CNTNAP3: variants seen among roughly 807,000 people sequenced by gnomAD.
CNTNAP3 encodes contactin-associated protein-like 3.
In CNTNAP3, 36 loss-of-function variants were observed where a neutral mutation model predicts 92.1. The ratio of observed to expected loss-of-function variants is 0.39; its 90% CI spans 0.30 to 0.52. CNTNAP3 has a LOEUF of 0.52. Ranked by LOEUF, CNTNAP3 falls within the 20% of genes least tolerant of loss-of-function variation. CNTNAP3 has a pLI of 0.76. For synonymous variants in CNTNAP3, 232 were observed against 422.3 expected (o/e 0.55, Z 5.53); for missense variants, 534 against 1,069.6 (o/e 0.50, Z 6.98).
chr9:39,102,733 G>A lies in CNTNAP3; in HGVS notation c.2537-18C>T, dbSNP rs1289503676. 3 of 910,634 alleles carry A rather than the reference G, an allele frequency of 3.3e-6. No homozygotes were observed. Among genetic ancestry groups the A allele is most frequent in the Admixed American group, 4.4e-5 (2 of 45,738 alleles). The allele number at this position is 910,634 out of a possible 1,614,324, so 56.4% of individuals were successfully genotyped here. On this transcript the variant is annotated intron_variant, in intron 16 of 23. Coordinates refer to ENST00000297668, the MANE Select transcript of CNTNAP3 (RefSeq NM_033655.5). The stretch of plus-strand genomic sequence containing the variant: ...TGTGGGAGCTAGAAATATTAGATAT[G>A]AATATTGCTCAAGCAAATTCACAGA...
chr9:39,103,201 T>C (rs953454633), intron 16 of CNTNAP3, among the ~76,000 whole-genome samples: 1 of 152,296 alleles, frequency 6.6e-6, no homozygotes, highest in Admixed American at 6.5e-5. Context: ...TTTAAAGCTC[T>C]GGCTCTGCTG....
intron 17 of CNTNAP3, among the ~76,000 whole-genome samples, chr9:39,102,152 C>T (rs376477570): frequency 4.7e-4 from 71 of 152,308 alleles, no homozygotes; most frequent in African/African-American, 1.5e-3. Flanking sequence ...GTGGCACCTG[C>T]GCCTGTAATC....
chr9:39,112,603 A>G (rs1482020921), intron 14 of CNTNAP3, among the ~76,000 whole-genome samples: 3 of 152,116 alleles, frequency 2.0e-5, no homozygotes, highest in Non-Finnish European at 4.4e-5. Context: ...TGACTTCATG[A>G]TCCGCCCGCC....
Position 39,255,610 on chromosome 9 carries a change from C to T in CNTNAP3, c.196+11286G>A, listed in dbSNP as rs1822838657. On this transcript the variant is annotated intron_variant, in intron 2 of 23. Transcript: ENST00000297668. The stretch of plus-strand genomic sequence containing the variant: ...TACTAATTTTTTAATTATGGTAATA[C>T]ACATCACATGAAATTTACCATTTGA... 3.0e-5 allele frequency among the ~76,000 whole-genome samples: 2 copies of T among 67,734 alleles called. 1 individual carries two copies. Among genetic ancestry groups the T allele is most frequent in the South Asian group, 1.1e-3 (2 of 1,860 alleles). 44.4% of individuals were successfully genotyped at this position (67,734 alleles called of 152,430 possible).
chr9:39,150,984 A>G (rs962627616), intron 9 of CNTNAP3, among the ~76,000 whole-genome samples: 5 of 148,446 alleles, frequency 3.4e-5, no homozygotes, highest in Admixed American at 1.3e-4. Context: ...TCTGAGTTAC[A>G]ATATATAACC....
At chr9:39,133,248 T>G in intron 12 of CNTNAP3, 113 bp from the exon 13 acceptor site, 1 of 1,327,264 alleles carries the variant, frequency 7.5e-7, no homozygotes, top group South Asian at 1.3e-5. Flanking sequence ...TTTACATTAC[T>G]GCATGTTTGC....
intron 13 of CNTNAP3, among the ~76,000 whole-genome samples, chr9:39,131,766 T>C (rs954026268): frequency 2.0e-4 from 31 of 152,012 alleles, no homozygotes; most frequent in Admixed American, 1.2e-3. Context: ...GGGAGGGGGT[T>C]GCAGTGAGCA....
Position 39,278,637 on chromosome 9 carries a change from A to T in CNTNAP3, c.85+9343T>A. Among the ~76,000 whole-genome samples the T allele has an allele frequency of 6.5e-5, 2 of 30,596 alleles. 1 individual carries two copies. Among genetic ancestry groups the T allele is most frequent in the Non-Finnish European group, 2.0e-4 (2 of 10,244 alleles). 20.1% of individuals were successfully genotyped at this position (30,596 alleles called of 152,430 possible). ...GAACAGAACAGAGCCCTCAGAAATAATGCCGCATATCTACAACTATCTGAT... is the reference window on the plus strand; with the variant it reads ...GAACAGAACAGAGCCCTCAGAAATATTGCCGCATATCTACAACTATCTGAT... On this transcript the variant is annotated intron_variant, in intron 1 of 23. Transcript: ENST00000297668.
chr9:39,121,031 A>G (rs540627801), intron 13 of CNTNAP3, among the ~76,000 whole-genome samples: 1 of 152,162 alleles, frequency 6.6e-6, no homozygotes, highest in African/African-American at 2.4e-5. Context: ...GGTAAGTCAC[A>G]TATGTAAACT....
At chr9:39,102,396 T>G (rs1826485070) in intron 17 of CNTNAP3, 101 bp downstream of exon 17, 8 of 1,542,242 alleles carry the variant, frequency 5.2e-6, no homozygotes, top group Non-Finnish European at 7.0e-6. Context: ...AAGCAGTAGT[T>G]GTTGTTGGCA....
At chr9:39,117,864 T>C (rs1758557) in intron 14 of CNTNAP3, 25 of 846,114 alleles carry the variant, frequency 3.0e-5, no homozygotes, top group South Asian at 4.0e-5. Context: ...TTAACAGCTG[T>C]TTCTCTTTTA....
chr9:39,129,476 T>C (rs1253960445), intron 13 of CNTNAP3, among the ~76,000 whole-genome samples: 1 of 152,104 alleles, frequency 6.6e-6, no homozygotes, highest in East Asian at 1.9e-4. Context: ...ATAAAATGTG[T>C]CCCAAAATAG....
chr9:39,068,260 A>G lies in CNTNAP3; in HGVS notation c.*5630T>C, dbSNP rs1825555215. On this transcript the variant is annotated 3_prime_UTR_variant, in exon 24 of 24. Coordinates refer to ENST00000297668, the MANE Select transcript of CNTNAP3 (RefSeq NM_033655.5). Reference sequence around the variant, plus strand: ...TAAAAATACAAAAAAAAAAAAAAAAAAAAAAATTAGCTGGGCATGTTGGCT... The same window carrying G: ...TAAAAATACAAAAAAAAAAAAAAAAGAAAAAATTAGCTGGGCATGTTGGCT... Among the ~76,000 whole-genome samples the G allele has an allele frequency of 8.0e-6, 1 of 125,770 alleles. No homozygotes were observed. Among genetic ancestry groups the G allele is most frequent in the Non-Finnish European group, 1.7e-5 (1 of 58,072 alleles). The allele number at this position is 125,770 out of a possible 152,430, so 82.5% of individuals were successfully genotyped here. A position where few individuals can be genotyped will look rare whatever the true frequency, so the allele number is the denominator to read the frequency against.
chr9:39,107,589 A>G (rs556173032), intron 15 of CNTNAP3, among the ~76,000 whole-genome samples: 35 of 152,344 alleles, frequency 2.3e-4, no homozygotes, highest in African/African-American at 8.2e-4. Context: ...GACCCAAACA[A>G]AATCACAGAG....
intron 23 of CNTNAP3, among the ~76,000 whole-genome samples, chr9:39,074,907 T>C (rs1348034009): frequency 1.3e-5 from 2 of 152,294 alleles, no homozygotes; most frequent in African/African-American, 2.4e-5. Flanking sequence ...TAGCTGGGAC[T>C]ACAGGCACCC....
At chr9:39,084,747 C>A (rs1826029570) in intron 21 of CNTNAP3, among the ~76,000 whole-genome samples, 1 of 152,076 alleles carries the variant, frequency 6.6e-6, no homozygotes, top group Non-Finnish European at 1.5e-5. Context: ...AAATGTATAG[C>A]AGAACCAATC....
chr9:39,114,529 GCTTT>G, intron 14 of CNTNAP3, among the ~76,000 whole-genome samples: 3 of 152,080 alleles, frequency 2.0e-5, no homozygotes, highest in Admixed American at 2.0e-4. Flanking sequence ...AGCTGTATCT[GCTTT>G]CTTTTGATTT....
Position 39,078,779 on chromosome 9 carries a change from C to G in CNTNAP3, c.3584G>C (p.Gly1195Ala). 6.6e-7 allele frequency: 1 copy of G among 1,521,610 alleles called. No homozygotes were observed. Among genetic ancestry groups the G allele is most frequent in the Non-Finnish European group, 8.8e-7 (1 of 1,141,508 alleles). 94.3% of individuals were successfully genotyped at this position (1,521,610 alleles called of 1,614,324 possible). ...GCAGCGGGCCATAGGGGCCACGTGG[C>G]CGCGGACGGTGACCCGGGAGGGGCC... ...PSGPSRVTVR[G>A]HVAPMARCAA... The change falls in exon 22 of 24, where the codon GGC (glycine) becomes GCC (alanine). Residue 1195 changes from glycine to alanine, a missense_variant. Transcript: ENST00000297668.
intron 9 of CNTNAP3, among the ~76,000 whole-genome samples, chr9:39,150,878 A>C (rs1449993494): frequency 7.6e-6 from 1 of 131,000 alleles, no homozygotes; most frequent in Admixed American, 7.6e-5. Flanking sequence ...AGTACTTATA[A>C]GAAGCAGTGG....
Sources: gnomAD v4.1 joint callset for allele counts (sites outside exome capture counted in the v4.1 genomes callset) on GRCh38, gnomAD v4.1.1 for gene constraint, MANE v1.5 for transcripts, NCBI Gene and HGNC (gene_info 2026-07-23, HGNC 2026-07-21) for gene names.